Variants in MYRIP observed in about 807,000 individuals in gnomAD.
The protein encoded by MYRIP is myosin VIIA and Rab interacting protein.
A neutral mutation model predicts 98.0 loss-of-function variants in MYRIP; 49 were observed. That is an observed-to-expected ratio of 0.50 (90% CI 0.40 to 0.63). The LOEUF (loss-of-function observed/expected upper bound fraction) is 0.63, where lower values mean the gene tolerates loss of function less well. MYRIP is among the 30% of genes least tolerant of loss of function. The pLI is 0.00. For missense variants in MYRIP, 1,004 were observed against 1,058.2 expected (o/e 0.95, Z 0.71); for synonymous variants, 404 against 409.5 (o/e 0.99, Z 0.16).
At chr3:40,175,372 C>T (rs546408967) in intron 8 of MYRIP, among the ~76,000 whole-genome samples, 5 of 152,192 alleles carry the variant, frequency 3.3e-5, no homozygotes, top group Non-Finnish European at 5.9e-5. Flanking sequence ...ACAGAGCCCA[C>T]GCTGGCCAAC....
chr3:40,096,076 T>C (rs1948827549), intron 3 of MYRIP, among the ~76,000 whole-genome samples: 1 of 126,580 alleles, frequency 7.9e-6, no homozygotes, highest in African/African-American at 3.0e-5. Context: ...CCCCCAACCC[T>C]GAGCCTTCTG....
At chr3:39,958,957 C>A (rs1200327207) in intron 2 of MYRIP, among the ~76,000 whole-genome samples, 3 of 152,114 alleles carry the variant, frequency 2.0e-5, no homozygotes, top group Non-Finnish European at 4.4e-5. Flanking sequence ...CAGAGAAATG[C>A]AAATCAAAAC....
At position 39,891,829 on chromosome 3, in the gene MYRIP, A is replaced by AT. The variant is rs139175312; in HGVS notation, c.-30-8952dup. Among the ~76,000 whole-genome samples, 1,403 of 152,000 alleles carry AT rather than the reference A, an allele frequency of 9.2e-3. 27 individuals carry two copies. Among genetic ancestry groups the AT allele is most frequent in the African/African-American group, 0.032 (1,324 of 41,506 alleles). ...TATCCTTTGTCAATTTTTAATTGCC[A>AT]TTTTTTGTTATTTTGTAGAGATTCT... On this transcript the variant is annotated intron_variant, in intron 1 of 16. Transcript: ENST00000302541.
chr3:40,047,341 G>A (rs530376892), intron 3 of MYRIP, among the ~76,000 whole-genome samples: 73 of 152,302 alleles, frequency 4.8e-4, no homozygotes, highest in African/African-American at 1.6e-3. Flanking sequence ...GACAGCTCCT[G>A]AGTCTCAGAA....
rs371175056 is a variant in MYRIP at position 40,089,487 on chromosome 3, T to C, written c.332+45216T>C. On this transcript the variant is annotated intron_variant, in intron 3 of 16. Transcript: ENST00000302541. ...AAGCTTGGCGGCTTTCCATGCAGGTTCTTCCAGGCATGAGACTGGAGAGTA... is the reference window on the plus strand; with the variant it reads ...AAGCTTGGCGGCTTTCCATGCAGGTCCTTCCAGGCATGAGACTGGAGAGTA... Among the ~76,000 whole-genome samples, 21 of 152,318 alleles carry C rather than the reference T, an allele frequency of 1.4e-4. No individual in the cohort carries two copies. In the East Asian group the frequency reaches 3.5e-3, roughly 25 times the overall value.
intron 2 of MYRIP, among the ~76,000 whole-genome samples, chr3:39,946,024 G>A (rs2125713561): frequency 6.6e-6 from 1 of 151,400 alleles, no homozygotes; most frequent in Non-Finnish European, 1.5e-5. Flanking sequence ...AAAAAGTTGA[G>A]ACTACATATT....
At chr3:40,185,760 G>C (rs1175717990) in intron 9 of MYRIP, among the ~76,000 whole-genome samples, 1 of 152,078 alleles carries the variant, frequency 6.6e-6, no homozygotes, top group Non-Finnish European at 1.5e-5. Context: ...TTATAACATG[G>C]TCAACCCTAG....
intron 3 of MYRIP, among the ~76,000 whole-genome samples, chr3:40,069,086 A>C (rs186861550): frequency 1.4e-4 from 22 of 152,282 alleles, no homozygotes; most frequent in African/African-American, 4.8e-4. Flanking sequence ...TTCTAAATAA[A>C]TGAGTAGATT....
chr3:39,877,580 G>A (rs1452645026), intron 1 of MYRIP, among the ~76,000 whole-genome samples: 4 of 152,182 alleles, frequency 2.6e-5, no homozygotes, highest in African/African-American at 9.7e-5. Flanking sequence ...CTCAGCTGCA[G>A]GTCTGTTGGA....
At chr3:40,160,574 C>T (rs572969520) in intron 4 of MYRIP, among the ~76,000 whole-genome samples, 1,914 of 152,256 alleles carry the variant, frequency 0.013, 20 homozygotes, top group African/African-American at 0.033. Context: ...TGGGCAATGG[C>T]GGGCGCCCCT....
Position 40,241,266 on chromosome 3 carries a change from A to G in MYRIP, c.2101-3180A>G, listed in dbSNP as rs184997209. ...TACAACCAGTGGCAGCAGACACAGT[A>G]GACCTGCACTACAGGGAGCCCAGCT... On this transcript the variant is annotated intron_variant, in intron 12 of 16. Coordinates refer to ENST00000302541, the MANE Select transcript of MYRIP (RefSeq NM_015460.4). Among the ~76,000 whole-genome samples the G allele has an allele frequency of 2.7e-3, 409 of 152,310 alleles. 4 individuals carry two copies. The highest frequency in any genetic ancestry group is 9.5e-3 in the African/African-American group (396 of 41,562).
intron 3 of MYRIP, among the ~76,000 whole-genome samples, chr3:40,075,948 C>T (rs1206269807): frequency 1.3e-5 from 2 of 152,306 alleles, no homozygotes; most frequent in Non-Finnish European, 2.9e-5. Flanking sequence ...GTAATCCCAG[C>T]AATCTGGGAA....
At chr3:39,834,950 A>T (rs1270737556) in intron 1 of MYRIP, among the ~76,000 whole-genome samples, 1 of 152,214 alleles carries the variant, frequency 6.6e-6, no homozygotes, top group African/African-American at 2.4e-5. Context: ...TGCTAGGAGT[A>T]AAAAGGACAG....
intron 6 of MYRIP, 97 bp downstream of exon 6, chr3:40,167,040 C>A (rs1950515789): frequency 7.4e-7 from 1 of 1,356,870 alleles, no homozygotes; most frequent in Non-Finnish European, 1.1e-6. Context: ...AATGTCCCAG[C>A]AGCTCTGACT....
chr3:39,988,238 C>A (rs1946083971), intron 2 of MYRIP, among the ~76,000 whole-genome samples: 1 of 151,932 alleles, frequency 6.6e-6, no homozygotes, highest in South Asian at 2.1e-4. Context: ...TGCAGCACAC[C>A]AGCATGGCAC....
rs769571928 is a variant in MYRIP, at chr3:39,919,717, TGTGTGTGTGTGA to T, written c.110+18793_110+18804del. The stretch of plus-strand genomic sequence containing the variant: ...TGGTGTGTGTGTGTGTGTGTGTGTG[TGTGTGTGTGTGA>T]GAGAGAGAGAGAGAGAGAGAAATTC... On this transcript the variant is annotated intron_variant, in intron 2 of 16. Transcript: ENST00000302541. Among the ~76,000 whole-genome samples, 4 of 149,006 alleles carry T rather than the reference TGTGTGTGTGTGA, an allele frequency of 2.7e-5. No individual in the cohort carries two copies. The Middle Eastern group carries it at 0.01, about 391-fold the overall frequency.
At chr3:39,975,771 C>G (rs941505240) in intron 2 of MYRIP, among the ~76,000 whole-genome samples, 2 of 152,168 alleles carry the variant, frequency 1.3e-5, no homozygotes, top group African/African-American at 4.8e-5. Flanking sequence ...TGATCTTTGA[C>G]AAACCTGAGA....
At chr3:40,212,179 CGTGTATGTGTATAT>C (rs1951963825) in intron 11 of MYRIP, among the ~76,000 whole-genome samples, 2 of 5,062 alleles carry the variant, frequency 4.0e-4, no homozygotes, top group Admixed American at 3.1e-3. Context: ...CATATATATA[CGTGTATGTGTATAT>C]ACATATATAT....
intron 3 of MYRIP, among the ~76,000 whole-genome samples, chr3:40,134,881 G>A (rs1397344380): frequency 6.6e-6 from 1 of 152,206 alleles, no homozygotes; most frequent in Non-Finnish European, 1.5e-5. Flanking sequence ...AAACCCATCT[G>A]TACGTCACCA....
Sources: allele counts gnomAD v4.1 joint callset (sites outside exome capture counted in the v4.1 genomes callset), GRCh38; gene constraint gnomAD v4.1.1; transcripts MANE v1.5; gene names NCBI Gene and HGNC (gene_info 2026-07-23, HGNC 2026-07-21).